The following DCUN1D1 variants were observed in gnomAD, a reference collection of about 807,000 sequenced individuals.
The protein encoded by DCUN1D1 is DCN1-like protein 1.
DCUN1D1 carries 3 observed loss-of-function variants against 39.0 expected under a neutral mutation model. The observed-to-expected ratio is 0.08, with a 90% CI of 0.04 to 0.20. DCUN1D1 has a LOEUF of 0.20. Among genes scored for constraint, DCUN1D1 ranks in the 10% least tolerant of loss-of-function variants. DCUN1D1 has a pLI of 1.00. For missense variants in DCUN1D1, 158 were observed against 302.4 expected (o/e 0.52, Z 3.54); for synonymous variants, 82 against 96.3 (o/e 0.85, Z 0.87).
At chr3:182,974,189 T>A (rs555985163) in intron 1 of DCUN1D1, among the ~76,000 whole-genome samples, 51 of 151,942 alleles carry the variant, frequency 3.4e-4, no homozygotes, top group Admixed American at 1.4e-3. Flanking sequence ...GAGGCAGAGG[T>A]TGCAGTGAGC....
chr3:182,941,318 C>T lies in DCUN1D1; in HGVS notation c.*3776G>A, dbSNP rs895888354. ...TTTATCTTAACTACAAAATATACAC[C>T]CCTTTCCCTCAGAAATCAAAGATAA... On this transcript the variant is annotated 3_prime_UTR_variant, in exon 7 of 7. Transcript: ENST00000292782. 2.0e-5 allele frequency: 3 copies of T among 152,024 alleles called. No individual in the cohort carries two copies. Among genetic ancestry groups the T allele is most frequent in the East Asian group, 1.9e-4 (1 of 5,184 alleles). 9.4% of individuals were successfully genotyped at this position (152,024 alleles called of 1,614,324 possible).
In DCUN1D1 at chr3:182,947,260, G is replaced by A. The variant is rs1265499154; in HGVS notation, c.678C>T (p.Asp226=). Reference sequence around the variant, plus strand: ...TACCTTCTTCATCATAATTAGACATGTCATCTGCAATCATCGTACTGAAGT... The same window carrying A: ...TACCTTCTTCATCATAATTAGACATATCATCTGCAATCATCGTACTGAAGT... ...LLDFSTMIAD[D]MSNYDEEGAW... Residue 226 remains aspartate, a synonymous_variant, in exon 6 of 7, where the codon GAC becomes GAT. Transcript: ENST00000292782. 1.2e-6 allele frequency: 2 copies of A among 1,604,670 alleles called. No homozygotes were observed. Among genetic ancestry groups the A allele is most frequent in the African/African-American group, 2.7e-5 (2 of 74,468 alleles).
At position 182,948,221 on chromosome 3, in the gene DCUN1D1, C is replaced by T. The variant is rs537821210; in HGVS notation, c.521-589G>A. The stretch of plus-strand genomic sequence containing the variant: ...CTCTTCAATCCTAAGTAACCTTATG[C>T]TCTAAATTATTTACTGACTGATCCT... On this transcript the variant is annotated intron_variant, in intron 4 of 6. Coordinates refer to ENST00000292782, the MANE Select transcript of DCUN1D1 (RefSeq NM_020640.4). Among the ~76,000 whole-genome samples the T allele has an allele frequency of 7.2e-5, 11 of 152,314 alleles. No individual in the cohort carries two copies. The East Asian group carries it at 2.1e-3, about 29-fold the overall frequency.
At chr3:182,979,600 T>TCTCC (rs1553846259) in intron 1 of DCUN1D1, among the ~76,000 whole-genome samples, 12 of 137,004 alleles carry the variant, frequency 8.8e-5, no homozygotes, top group African/African-American at 3.4e-4. Context: ...GAGGACTTTT[T>TCTCC]CCCCCCCCCA....
chr3:182,950,553 T>C (rs1354870629), intron 4 of DCUN1D1, among the ~76,000 whole-genome samples: 1 of 152,192 alleles, frequency 6.6e-6, no homozygotes, highest in East Asian at 1.9e-4. Context: ...GGTCTCACTC[T>C]GTAGCTCTCT....
intron 6 of DCUN1D1, 85 bp downstream of exon 6, chr3:182,947,153 G>A: frequency 1.4e-6 from 1 of 703,314 alleles, no homozygotes; most frequent in Non-Finnish European, 2.3e-6. Context: ...CCAACTCCGA[G>A]AAAAACAAAA....
In DCUN1D1 at chr3:182,942,286, T is replaced by C. The variant is rs1560156165; in HGVS notation, c.*2808A>G. The C allele has an allele frequency of 6.6e-6, 1 of 152,140 alleles. No individual in the cohort carries two copies. The highest frequency in any genetic ancestry group is 1.9e-4 in the East Asian group (1 of 5,200). 9.4% of individuals were successfully genotyped at this position (152,140 alleles called of 1,614,324 possible). A position where few individuals can be genotyped will look rare whatever the true frequency, so the allele number is the denominator to read the frequency against. ...GCCATTACAATGCTCTTTCCATGAA[T>C]AATTATTCTTCCTAGAAAAGTTTTC... is the stretch of plus-strand genomic sequence containing the variant. On this transcript the variant is annotated 3_prime_UTR_variant, in exon 7 of 7. Coordinates refer to ENST00000292782, the MANE Select transcript of DCUN1D1 (RefSeq NM_020640.4).
chr3:182,947,474 A>C, intron 5 of DCUN1D1, 76 bp downstream of exon 5: 1 of 1,106,286 alleles, frequency 9.0e-7, no homozygotes, highest in South Asian at 1.4e-5. Flanking sequence ...TCTATATCCA[A>C]TACATTATGT....
chr3:182,955,043 C>CTT (rs905343178), intron 4 of DCUN1D1, among the ~76,000 whole-genome samples: 7 of 143,466 alleles, frequency 4.9e-5, no homozygotes, highest in Non-Finnish European at 7.7e-5. Context: ...CTTAAATTGA[C>CTT]TTTTTTTTTT....
Position 182,967,956 on chromosome 3 carries a change from CAAAGT to C in DCUN1D1, c.4-2208_4-2204del, listed in dbSNP as rs146405268. Among the ~76,000 whole-genome samples, 753 of 152,308 alleles carry C rather than the reference CAAAGT, an allele frequency of 4.9e-3. 11 individuals carry two copies. Among genetic ancestry groups the C allele is most frequent in the African/African-American group, 0.017 (717 of 41,574 alleles). ...CATGTTTTAATCCTCCTCTGAGGAA[CAAAGT>C]AAAGTACCAAAGGATCACTGTGACT... On this transcript the variant is annotated intron_variant, in intron 1 of 6. Coordinates refer to ENST00000292782, the MANE Select transcript of DCUN1D1 (RefSeq NM_020640.4).
intron 1 of DCUN1D1, among the ~76,000 whole-genome samples, chr3:182,969,006 GCTA>G (rs1727806178): frequency 6.6e-6 from 1 of 152,080 alleles, no homozygotes; most frequent in African/African-American, 2.4e-5. Flanking sequence ...CACCATAAAG[GCTA>G]CTGAGTTCTA....
At chr3:182,967,743 T>C (rs1056623344) in intron 1 of DCUN1D1, among the ~76,000 whole-genome samples, 2 of 152,214 alleles carry the variant, frequency 1.3e-5, no homozygotes, top group East Asian at 3.8e-4. Context: ...TTGAAAACTA[T>C]CTCCTCCTTG....
In DCUN1D1 at chr3:182,965,901, T is replaced by C. The variant is rs1411739375; in HGVS notation, c.4-148A>G. 3.5e-5 allele frequency: 22 copies of C among 627,158 alleles called. No homozygotes were observed. In the East Asian group the frequency reaches 5.2e-4, roughly 15 times the overall value. The allele number at this position is 627,158 out of a possible 1,614,324, so 38.8% of individuals were successfully genotyped here. Reference sequence around the variant, plus strand: ...CTTAAGATTTATTTTTGATCTATTATTCATCAGAAAGGCTAACTTTTAAAA... The same window carrying C: ...CTTAAGATTTATTTTTGATCTATTACTCATCAGAAAGGCTAACTTTTAAAA... On this transcript the variant is annotated intron_variant, in intron 1 of 6. Coordinates refer to ENST00000292782, the MANE Select transcript of DCUN1D1 (RefSeq NM_020640.4).
At chr3:182,955,260 G>A (rs1726978060) in intron 4 of DCUN1D1, 2 of 528,086 alleles carry the variant, frequency 3.8e-6, no homozygotes, top group African/African-American at 2.0e-5. Flanking sequence ...GTCTCCTCCT[G>A]TGTTTTCTAA....
chr3:182,964,369 T>C (rs540685502), intron 2 of DCUN1D1, among the ~76,000 whole-genome samples: 50 of 152,334 alleles, frequency 3.3e-4, no homozygotes, highest in African/African-American at 1.2e-3. Flanking sequence ...ATTCAAGATA[T>C]CCATATTTTG....
intron 4 of DCUN1D1, among the ~76,000 whole-genome samples, chr3:182,949,633 A>C (rs1194119129): frequency 6.6e-6 from 1 of 151,994 alleles, no homozygotes; most frequent in Non-Finnish European, 1.5e-5. Context: ...AAGCGGGAGA[A>C]TCCTTTGAGC....
intron 6 of DCUN1D1, among the ~76,000 whole-genome samples, chr3:182,946,578 A>AG (rs1726418216): frequency 1.3e-5 from 2 of 150,606 alleles, no homozygotes; most frequent in Non-Finnish European, 3.0e-5. Context: ...AAAAAAAAAA[A>AG]GTCACTGAAC....
intron 4 of DCUN1D1, among the ~76,000 whole-genome samples, chr3:182,956,917 C>T (rs933374140): frequency 6.6e-6 from 1 of 152,148 alleles, no homozygotes; most frequent in Non-Finnish European, 1.5e-5. Flanking sequence ...ACTTTATGGG[C>T]TCTATTTTGA....
chr3:182,963,802 A>T, intron 3 of DCUN1D1, 79 bp downstream of exon 3: 1 of 1,256,016 alleles, frequency 8.0e-7, no homozygotes, highest in Non-Finnish European at 1.1e-6. Context: ...GCAAATCTTT[A>T]AATTTACACT....
Sources: allele counts gnomAD v4.1 joint callset (sites outside exome capture counted in the v4.1 genomes callset), GRCh38; gene constraint gnomAD v4.1.1; transcripts MANE v1.5; gene names NCBI Gene and HGNC (gene_info 2026-07-23, HGNC 2026-07-21).